The following ABCC6 variants were observed in gnomAD, a reference collection of about 807,000 sequenced individuals.
The protein encoded by ABCC6 is ATP binding cassette subfamily C member 6, also known as ATP-binding cassette sub-family C member 6.
ABCC6 carries 126 observed loss-of-function variants against 169.5 expected under a neutral mutation model. The ratio of observed to expected loss-of-function variants is 0.74; its 90% CI spans 0.64 to 0.86. The LOEUF is 0.86. ABCC6 is among the 40% of genes least tolerant of loss of function. The pLI, the probability that ABCC6 is intolerant of heterozygous loss-of-function variation, is 0.00. For synonymous variants in ABCC6, 752 were observed against 814.7 expected (o/e 0.92, Z 1.31); for missense variants, 1,733 against 1,927.2 (o/e 0.90, Z 1.89).
At chr16:16,177,348 G>C in intron 19 of ABCC6, 104 bp downstream of exon 19, 2 of 1,324,660 alleles carry the variant, frequency 1.5e-6, no homozygotes, top group Non-Finnish European at 2.2e-6. Context: ...CTGCAGACAG[G>C]GTGTGGCCAG....
intron 7 of ABCC6, 30 bp from the exon 8 acceptor site, chr16:16,203,643 T>C (rs779947943): frequency 1.9e-6 from 3 of 1,612,554 alleles, no homozygotes; most frequent in Non-Finnish European, 1.7e-6. Flanking sequence ...TAGCTCTGGG[T>C]CCCATTTTAT....
intron 7 of ABCC6, among the ~76,000 whole-genome samples, chr16:16,203,963 C>T (rs1455312225): frequency 2.0e-5 from 3 of 152,094 alleles, no homozygotes; most frequent in South Asian, 2.1e-4. Context: ...CTCAGAGAAG[C>T]GAACTTGCCC....
At chr16:16,183,676 G>A (rs1399185432) in intron 15 of ABCC6, among the ~76,000 whole-genome samples, 1 of 152,146 alleles carries the variant, frequency 6.6e-6, no homozygotes, top group East Asian at 1.9e-4. Flanking sequence ...CATCCCCCAG[G>A]AGTCATTTGG....
In ABCC6 at chr16:16,178,947, C is replaced by T. The variant is rs1022850449; in HGVS notation, c.2266G>A (p.Gly756Ser). ...GCCAGGCTCAGCCGCTGCTTCTGGCCTCCGGAGAGATTCATGCCCTGTGGC... is the reference window on the plus strand; with the variant it reads ...GCCAGGCTCAGCCGCTGCTTCTGGCTTCCGGAGAGATTCATGCCCTGTGGC... ...IGEQGMNLSG[G>S]QKQRLSLARA... Residue 756 changes from glycine to serine, a missense_variant, in exon 18 of 31, where the codon GGC (glycine) becomes AGC (serine). Gly to Ser is a moderately conservative substitution (Grantham distance 56). Coordinates refer to ENST00000205557, the MANE Select transcript of ABCC6 (RefSeq NM_001171.6). 1.2e-6 allele frequency: 2 copies of T among 1,612,908 alleles called. No homozygotes were observed. The highest frequency in any genetic ancestry group is 1.7e-6 in the Non-Finnish European group (2 of 1,180,032).
chr16:16,191,672 TC>T (rs2047860793), intron 11 of ABCC6, among the ~76,000 whole-genome samples: 2 of 141,278 alleles, frequency 1.4e-5, no homozygotes, highest in African/African-American at 5.3e-5. Context: ...CTCCCCCCTT[TC>T]TTCCTTCTCT....
At chr16:16,164,621 T>A (rs1409287978) in intron 23 of ABCC6, among the ~76,000 whole-genome samples, 1 of 152,186 alleles carries the variant, frequency 6.6e-6, no homozygotes, top group Non-Finnish European at 1.5e-5. Flanking sequence ...TGATAGCTAG[T>A]GGCCATAAGA....
Position 16,166,454 on chromosome 16 carries a change from C to CTAGAGGATAT in ABCC6, c.2996-522_2996-521insATATCCTCTA, listed in dbSNP as rs542350452. Among the ~76,000 whole-genome samples, 508 of 152,184 alleles carry CTAGAGGATAT rather than the reference C, an allele frequency of 3.3e-3. 5 individuals carry two copies. Among genetic ancestry groups the CTAGAGGATAT allele is most frequent in the African/African-American group, 0.012 (481 of 41,526 alleles). ...ATTTATATAAGAATACTAGAGGATA[C>CTAGAGGATAT]TCAGAGACACAGCAGGAGATATGAA... On this transcript the variant is annotated intron_variant, in intron 22 of 30. Transcript: ENST00000205557.
intron 14 of ABCC6, 36 bp downstream of exon 14, chr16:16,187,088 C>A: frequency 3.1e-4 from 471 of 1,510,134 alleles, no homozygotes; most frequent in Non-Finnish European, 3.9e-4. Flanking sequence ...CATCCCCCAT[C>A]CCTCCCACAC....
In ABCC6 at chr16:16,159,433, C is replaced by G. The variant is rs749436704; in HGVS notation, c.3735+49G>C. ...TGTCAACAGGGACCCATTGCCCCCC[C>G]CCACAATATGTCCTTGCTGGGACCC... On this transcript the variant is annotated intron_variant, in intron 26 of 30. Transcript: ENST00000205557. 37 of 1,548,842 alleles carry G rather than the reference C, an allele frequency of 2.4e-5. 1 individual carries two copies. The highest frequency in any genetic ancestry group is 8.4e-5 in the Admixed American group (5 of 59,610).
chr16:16,195,143 G>T (rs551174708), intron 10 of ABCC6, among the ~76,000 whole-genome samples: 1 of 152,024 alleles, frequency 6.6e-6, no homozygotes, highest in South Asian at 2.1e-4. Context: ...TCTCTGTCTG[G>T]GGGAAAAATG....
intron 10 of ABCC6, among the ~76,000 whole-genome samples, chr16:16,195,281 G>A (rs188696445): frequency 6.7e-6 from 1 of 149,180 alleles, no homozygotes; most frequent in East Asian, 2.0e-4. Context: ...ATTATCTATG[G>A]ATATCTTGTT....
At chr16:16,221,869 G>A (rs1455234473) in intron 1 of ABCC6, 38 bp from the exon 2 acceptor site, 4 of 1,612,210 alleles carry the variant, frequency 2.5e-6, no homozygotes, top group South Asian at 2.2e-5. Flanking sequence ...GATGGTACAA[G>A]GCAGGGGTCC....
chr16:16,178,018 GAGAA>G (rs1428493545), intron 18 of ABCC6, among the ~76,000 whole-genome samples: 7 of 147,450 alleles, frequency 4.7e-5, no homozygotes, highest in Admixed American at 6.8e-5. Context: ...GAGAGAGAGA[GAGAA>G]AGAAAGAAAA....
chr16:16,203,729 T>C, intron 7 of ABCC6, 116 bp from the exon 8 acceptor site: 1 of 1,107,462 alleles, frequency 9.0e-7, no homozygotes, highest in Non-Finnish European at 1.3e-6. Context: ...GGTGTGGATC[T>C]AGCCTGGCTC....
chr16:16,203,554 G>T lies in ABCC6; in HGVS notation c.854C>A (p.Thr285Asn). The change falls in exon 8 of 31, where the codon ACC becomes AAC. Residue 285 changes from threonine to asparagine, a missense_variant. By Grantham distance (65) the Thr-to-Asn change is moderately conservative. Coordinates refer to ENST00000205557, the MANE Select transcript of ABCC6 (RefSeq NM_001171.6). ...CCCTTCTTGCCGTAGGAAGGGCTCG[G>T]TCTCTGGAGCCTTCATGCCACTGCC... is the stretch of plus-strand genomic sequence containing the variant. Reference protein sequence around the residue: ...KGGSGMKAPETEPFLRQEGSQ... With the variant: ...KGGSGMKAPENEPFLRQEGSQ... The T allele has an allele frequency of 2.5e-6, 4 of 1,614,038 alleles. No individual in the cohort carries two copies. The highest frequency in any genetic ancestry group is 3.4e-6 in the Non-Finnish European group (4 of 1,179,882).
intron 20 of ABCC6, among the ~76,000 whole-genome samples, chr16:16,173,993 C>A (rs2047191630): frequency 6.6e-6 from 1 of 152,192 alleles, no homozygotes; most frequent in African/African-American, 2.4e-5. Flanking sequence ...CTGACTTAAC[C>A]TCTGTGCCTC....
chr16:16,192,833 A>T lies in ABCC6; in HGVS notation c.1428T>A (p.His476Gln). ...NFFISKKRNH[H>Q]QEEQMRQKDS... ...GTCCCTTTCCCAAAAGCCAAACCTGATGGTGGTTCCTTTTCTTGGAGATGA... is the reference window on the plus strand; with the variant it reads ...GTCCCTTTCCCAAAAGCCAAACCTGTTGGTGGTTCCTTTTCTTGGAGATGA... Residue 476 changes from histidine (H) to glutamine (Q), a missense_variant, in exon 11 of 31, where the codon CAT (histidine) becomes CAA (glutamine). Physicochemically the swap from His to Gln is conservative, Grantham distance 24. Around this residue, in one of 5 missense-constraint regions of ABCC6, gnomAD observed 1,601 missense variants for 1,635.5 expected, o/e 0.98. Transcript: ENST00000205557. The T allele has an allele frequency of 6.2e-7, 1 of 1,613,654 alleles. No individual in the cohort carries two copies. Among genetic ancestry groups the T allele is most frequent in the Non-Finnish European group, 8.5e-7 (1 of 1,179,682 alleles).
intron 10 of ABCC6, among the ~76,000 whole-genome samples, chr16:16,197,757 G>A (rs948402462): frequency 6.7e-6 from 1 of 148,330 alleles, no homozygotes; most frequent in African/African-American, 2.5e-5. Flanking sequence ...AGGGAGAGGG[G>A]AGGAAGCCTT....
chr16:16,203,162 C>A (rs1055568610), intron 8 of ABCC6, among the ~76,000 whole-genome samples: 1 of 152,236 alleles, frequency 6.6e-6, no homozygotes, highest in African/African-American at 2.4e-5. Context: ...AAGCCACTCA[C>A]TTTTGGGGCA....
Sources: allele counts gnomAD v4.1 joint callset (sites outside exome capture counted in the v4.1 genomes callset), GRCh38; gene constraint gnomAD v4.1.1; regional missense constraint gnomAD v4.1.1; transcripts MANE v1.5; gene names NCBI Gene and HGNC (gene_info 2026-07-23, HGNC 2026-07-21).